The following GAGE10 variants were observed in gnomAD, a reference collection of about 807,000 sequenced individuals.
The protein encoded by GAGE10 is G antigen 10.
GAGE10 carries 9 observed loss-of-function variants against 11.5 expected under a neutral mutation model. The ratio of observed to expected loss-of-function variants is 0.78; its 90% CI spans 0.47 to 1.37. The LOEUF is 1.37. Among genes scored for constraint, GAGE10 ranks in the 40% most tolerant of loss-of-function variants. The pLI is 0.00. For missense variants in GAGE10, 83 were observed against 92.9 expected, an observed-to-expected ratio of 0.89 and a Z score of 0.44; for synonymous variants, 23 against 29.7, an observed-to-expected ratio of 0.77 and a Z score of 0.73.
At chrX:49,308,689 G>A (rs1456012709) in intron 3 of GAGE10, among the ~76,000 whole-genome samples, 2 of 112,054 alleles carry the variant, frequency 1.8e-5, no homozygotes, top group Non-Finnish European at 3.8e-5. Flanking sequence ...CCAATAGAGT[G>A]GCAAGTGCAG....
chrX:49,310,084 A>G (rs1231964163), intron 3 of GAGE10, among the ~76,000 whole-genome samples: 1 of 112,400 alleles, frequency 8.9e-6, no homozygotes, highest in Non-Finnish European at 1.9e-5. Context: ...CAGTTTTAAG[A>G]AAGACTTTGT....
intron 3 of GAGE10, among the ~76,000 whole-genome samples, chrX:49,316,816 A>G (rs1324661000): frequency 9.0e-6 from 1 of 111,213 alleles, no homozygotes. Flanking sequence ...GTCATGCCAT[A>G]TAACAGTCTA....
intron 3 of GAGE10, among the ~76,000 whole-genome samples, chrX:49,307,475 CTT>C (rs60753797): frequency 1.9e-5 from 2 of 103,650 alleles, no homozygotes; most frequent in Non-Finnish European, 2.0e-5. Flanking sequence ...TTCTTTTTTC[CTT>C]TTTTTTTTTT....
intron 3 of GAGE10, among the ~76,000 whole-genome samples, chrX:49,306,439 A>G (rs781796127): frequency 1.3e-4 from 15 of 112,271 alleles, no homozygotes; most frequent in South Asian, 3.7e-4. Context: ...TTTGGACCTA[A>G]ATATAACTTT....
rs1557125349 is a variant in GAGE10 at position 49,317,188 on chromosome X, G to C, written c.228G>C (p.Gln76His). Residue 76 changes from glutamine (Q) to histidine (H), a missense_variant, in exon 4 of 5, where the codon CAG becomes CAC. By Grantham distance (24) the Gln-to-His change is conservative (BLOSUM62 0). Around this residue, in one of 3 missense-constraint regions of GAGE10, gnomAD observed 66 missense variants for 35.4 expected, o/e 1.87. Transcript: ENST00000407599. ...GQGPKPEADS[Q>H]EQVHPKTGCE... ...GGCCGAAGCCTGAAGCTGATAGCCA[G>C]GAACAGGTTCACCCAAAGACTGGGT... The C allele has an allele frequency of 8.3e-7, 1 of 1,206,573 alleles. No individual in the cohort carries two copies. The highest frequency in any genetic ancestry group is 1.1e-6 in the Non-Finnish European group (1 of 892,145).
At chrX:49,304,147 T>TG (rs782147520) in intron 1 of GAGE10, among the ~76,000 whole-genome samples, 32 of 111,484 alleles carry the variant, frequency 2.9e-4, no homozygotes, top group South Asian at 1.1e-3. Flanking sequence ...CCCGGACAGG[T>TG]GCGAGGAGGG....
intron 3 of GAGE10, among the ~76,000 whole-genome samples, chrX:49,314,999 G>C (rs1284551471): frequency 8.0e-5 from 9 of 111,943 alleles, no homozygotes; most frequent in African/African-American, 2.9e-4. Context: ...TAGGGCAACA[G>C]TATTATGATA....
chrX:49,314,333 G>T, intron 3 of GAGE10, among the ~76,000 whole-genome samples: 1 of 112,363 alleles, frequency 8.9e-6, no homozygotes, highest in Non-Finnish European at 1.9e-5. Flanking sequence ...CACAAGAGAG[G>T]CTTAGCAGGA....
chrX:49,309,056 T>C (rs1392428442), intron 3 of GAGE10, among the ~76,000 whole-genome samples: 1 of 111,694 alleles, frequency 9.0e-6, no homozygotes, highest in African/African-American at 3.3e-5. Context: ...ACCTAGGACG[T>C]TGTGTACAGC....
At chrX:49,312,399 C>T (rs1232658298) in intron 3 of GAGE10, among the ~76,000 whole-genome samples, 1 of 112,604 alleles carries the variant, frequency 8.9e-6, no homozygotes, top group Non-Finnish European at 1.9e-5. Flanking sequence ...TGGGGCAATA[C>T]ACAAAGAGAG....
chrX:49,316,388 C>A (rs2066391599), intron 3 of GAGE10, among the ~76,000 whole-genome samples: 1 of 112,043 alleles, frequency 8.9e-6, no homozygotes, highest in Non-Finnish European at 1.9e-5. Context: ...ACAGATCTCA[C>A]CTGCCCCACG....
intron 1 of GAGE10, among the ~76,000 whole-genome samples, chrX:49,304,556 A>T (rs1557123816): frequency 9.0e-6 from 1 of 111,541 alleles, no homozygotes; most frequent in Non-Finnish European, 1.9e-5. Context: ...GTGAGCTGTG[A>T]TCACGCCGCT....
chrX:49,303,862 C>T (rs1386063433), intron 1 of GAGE10, 109 bp downstream of exon 1: 1 of 112,349 alleles, frequency 8.9e-6, no homozygotes, highest in Non-Finnish European at 1.9e-5. Context: ...TCTGTGGCCT[C>T]TGAGGGAGAA....
intron 3 of GAGE10, among the ~76,000 whole-genome samples, chrX:49,316,172 T>C (rs1184415045): frequency 2.7e-5 from 3 of 112,038 alleles, no homozygotes; most frequent in Middle Eastern, 4.2e-3. Flanking sequence ...AACTGCCTGT[T>C]TTTCCTTCTG....
chrX:49,317,118 T>C, intron 3 of GAGE10, 45 bp from the exon 4 acceptor site: 1 of 1,153,842 alleles, frequency 8.7e-7, no homozygotes, highest in South Asian at 1.8e-5. Flanking sequence ...TTATTCATAT[T>C]TCATGTTTTA....
At chrX:49,317,036 T>C (rs142548050) in intron 3 of GAGE10, 127 bp from the exon 4 acceptor site, 1 of 872,517 alleles carries the variant, frequency 1.1e-6, no homozygotes, top group African/African-American at 2.1e-5. Context: ...CATGGGATTC[T>C]TATCAACATA....
At chrX:49,308,124 C>G (rs1557124340) in intron 3 of GAGE10, among the ~76,000 whole-genome samples, 1 of 112,579 alleles carries the variant, frequency 8.9e-6, no homozygotes, top group Admixed American at 9.4e-5. Flanking sequence ...TCCCCCTGCC[C>G]CACGAAATGC....
intron 3 of GAGE10, among the ~76,000 whole-genome samples, chrX:49,315,479 G>A (rs111602038): frequency 9.7e-4 from 109 of 111,818 alleles, no homozygotes; most frequent in African/African-American, 2.8e-3. Context: ...GCTCAACTGC[G>A]TCATAAGGTT....
At chrX:49,313,070 C>G (rs782462138) in intron 3 of GAGE10, among the ~76,000 whole-genome samples, 1 of 111,975 alleles carries the variant, frequency 8.9e-6, no homozygotes, top group Non-Finnish European at 1.9e-5. Context: ...TAGGCTGAGG[C>G]CTTCCCCACC....
Sources: gnomAD v4.1 joint callset for allele counts (sites outside exome capture counted in the v4.1 genomes callset) on GRCh38, gnomAD v4.1.1 for gene constraint, gnomAD v4.1.1 regional missense constraint, MANE v1.5 for transcripts, NCBI Gene and HGNC (gene_info 2026-07-23, HGNC 2026-07-21) for gene names.